Variants in ST8SIA2 observed in about 807,000 individuals in gnomAD.
The protein encoded by ST8SIA2 is alpha-2,8-sialyltransferase 8B.
A neutral mutation model predicts 37.6 loss-of-function variants in ST8SIA2; 22 were observed. That is an observed-to-expected ratio of 0.58 (90% CI 0.42 to 0.83). The LOEUF (loss-of-function observed/expected upper bound fraction) is 0.83. ST8SIA2 is among the 40% of genes least tolerant of loss of function. ST8SIA2 has a pLI of 0.00. For synonymous variants in ST8SIA2, 205 were observed against 201.2 expected, an observed-to-expected ratio of 1.02 and a Z score of -0.16; for missense variants, 382 against 484.7, an observed-to-expected ratio of 0.79 and a Z score of 1.99.
chr15:92,394,518 C>G (rs1034506690), intron 1 of ST8SIA2, among the ~76,000 whole-genome samples: 3 of 151,882 alleles, frequency 2.0e-5, no homozygotes, highest in African/African-American at 7.3e-5. Context: ...GCGGAGGGGC[C>G]GAGAGTGGAG....
intron 1 of ST8SIA2, among the ~76,000 whole-genome samples, chr15:92,414,477 TGTCAGACAGAG>T (rs1950633802): frequency 6.6e-6 from 1 of 152,226 alleles, no homozygotes. Flanking sequence ...GGAGACAATC[TGTCAGACAGAG>T]GTGTATTCAA....
Position 92,464,165 on chromosome 15 carries a change from C to G in ST8SIA2, c.908C>G (p.Ala303Gly), listed in dbSNP as rs1037795157. Residue 303 changes from alanine to glycine, a missense_variant, in exon 6 of 6, where the codon GCC (alanine) becomes GGC (glycine). Physicochemically the swap from Ala to Gly is moderately conservative, Grantham distance 60 (BLOSUM62 0). Coordinates refer to ENST00000268164, the MANE Select transcript of ST8SIA2 (RefSeq NM_006011.4). ...ACCGGCCTCTTGATGTATACCCTGG[C>G]CACACGTTTCTGCAAACAAATCTAC... ...PTTGLLMYTL[A>G]TRFCKQIYLY... The G allele has an allele frequency of 6.2e-7, 1 of 1,609,840 alleles. No individual in the cohort carries two copies.
chr15:92,398,631 C>G (rs1251207225), intron 1 of ST8SIA2, among the ~76,000 whole-genome samples: 1 of 152,208 alleles, frequency 6.6e-6, no homozygotes, highest in Non-Finnish European at 1.5e-5. Context: ...AACACATTTG[C>G]TGGATCCTCA....
intron 3 of ST8SIA2, among the ~76,000 whole-genome samples, chr15:92,435,562 C>T (rs2049750886): frequency 6.6e-6 from 1 of 152,152 alleles, no homozygotes. Context: ...CAGGGAGTTG[C>T]CCCCTCCACA....
intron 4 of ST8SIA2, 62 bp downstream of exon 4, chr15:92,438,672 C>A: frequency 6.6e-7 from 1 of 1,507,192 alleles, no homozygotes; most frequent in Admixed American, 2.4e-5. Flanking sequence ...TTCAGTGGAG[C>A]ATTGCCAGCT....
chr15:92,404,700 G>C (rs2141802025), intron 1 of ST8SIA2, among the ~76,000 whole-genome samples: 1 of 151,128 alleles, frequency 6.6e-6, no homozygotes, highest in East Asian at 1.9e-4. Context: ...GCTGGGTGTA[G>C]TGCTGCATGC....
chr15:92,451,116 T>C (rs1053365201), intron 5 of ST8SIA2, among the ~76,000 whole-genome samples: 3 of 152,200 alleles, frequency 2.0e-5, no homozygotes, highest in African/African-American at 7.2e-5. Flanking sequence ...AAAGAGGAAC[T>C]TGATGCTCAG....
chr15:92,394,018 T>C lies in ST8SIA2; in HGVS notation c.-47T>C, dbSNP rs899179774. On this transcript the variant is annotated 5_prime_UTR_variant, in exon 1 of 6. Transcript: ENST00000268164. Reference sequence around the variant, plus strand: ...GTCCGCCGCTGCGCCCTCCGGCCCCTGCTCCTCGCGCCGGCCCGCGTGGGT... The same window carrying C: ...GTCCGCCGCTGCGCCCTCCGGCCCCCGCTCCTCGCGCCGGCCCGCGTGGGT... 4.7e-6 allele frequency: 7 copies of C among 1,477,126 alleles called. No individual in the cohort carries two copies. The highest frequency in any genetic ancestry group is 1.4e-5 in the African/African-American group (1 of 69,136). 91.5% of individuals were successfully genotyped at this position (1,477,126 alleles called of 1,614,324 possible). A position where few individuals can be genotyped will look rare whatever the true frequency, so the allele number is the denominator to read the frequency against.
chr15:92,398,200 A>G (rs1567208578), intron 1 of ST8SIA2, among the ~76,000 whole-genome samples: 2 of 152,212 alleles, frequency 1.3e-5, no homozygotes, highest in Non-Finnish European at 2.9e-5. Context: ...AGAAGAGAGC[A>G]TAGGGCTCTC....
chr15:92,404,509 TG>T (rs34579432), intron 1 of ST8SIA2, among the ~76,000 whole-genome samples: 10,355 of 152,038 alleles, frequency 0.068, 394 homozygotes, highest in Middle Eastern at 0.095. Flanking sequence ...ATTCCACTTC[TG>T]GGTGTATATT....
At chr15:92,426,359 G>T (rs1191735568) in intron 1 of ST8SIA2, among the ~76,000 whole-genome samples, 1 of 152,170 alleles carries the variant, frequency 6.6e-6, no homozygotes, top group Non-Finnish European at 1.5e-5. Flanking sequence ...GTGGAACCGG[G>T]GGTGAGGCAT....
At chr15:92,429,905 C>A in intron 1 of ST8SIA2, 144 bp from the exon 2 acceptor site, 1 of 867,628 alleles carries the variant, frequency 1.2e-6, no homozygotes, top group Non-Finnish European at 1.9e-6. Context: ...GGGGCCAGGA[C>A]TTTGCCCATT....
At chr15:92,428,989 G>A (rs2049695754) in intron 1 of ST8SIA2, among the ~76,000 whole-genome samples, 1 of 152,126 alleles carries the variant, frequency 6.6e-6, no homozygotes, top group South Asian at 2.1e-4. Context: ...GAATCCTAAG[G>A]AAATCAGATA....
At chr15:92,427,848 A>G (rs1418085710) in intron 1 of ST8SIA2, among the ~76,000 whole-genome samples, 1 of 152,180 alleles carries the variant, frequency 6.6e-6, no homozygotes, top group Non-Finnish European at 1.5e-5. Flanking sequence ...CCTGGGCGTA[A>G]TGGCAGGTGC....
chr15:92,412,634 G>C (rs941156195), intron 1 of ST8SIA2, among the ~76,000 whole-genome samples: 3 of 152,088 alleles, frequency 2.0e-5, no homozygotes, highest in African/African-American at 4.8e-5. Flanking sequence ...ACCACCATTT[G>C]CCTCTGTGTT....
At chr15:92,413,798 C>G (rs535828870) in intron 1 of ST8SIA2, among the ~76,000 whole-genome samples, 2 of 152,220 alleles carry the variant, frequency 1.3e-5, no homozygotes, top group Non-Finnish European at 2.9e-5. Context: ...CTTTTCACTC[C>G]GGCCCTCTTT....
At chr15:92,433,852 C>T (rs528032027) in intron 2 of ST8SIA2, among the ~76,000 whole-genome samples, 1 of 152,166 alleles carries the variant, frequency 6.6e-6, no homozygotes, top group Admixed American at 6.5e-5. Context: ...CTTGTTTTCT[C>T]TTTTAAGTTT....
At chr15:92,403,725 T>C (rs998733411) in intron 1 of ST8SIA2, among the ~76,000 whole-genome samples, 1 of 152,212 alleles carries the variant, frequency 6.6e-6, no homozygotes, top group African/African-American at 2.4e-5. Flanking sequence ...CAGGTGACTT[T>C]AGTTTGCTAT....
At position 92,439,467 on chromosome 15, in the gene ST8SIA2, C is replaced by G. The variant is rs999854929; in HGVS notation, c.548+857C>G. ...CTGTCTCCAGGTCAAAATTAGGGCA[C>G]GCGGAGCCTCGAGTTTCATTCCAGC... On this transcript the variant is annotated intron_variant, in intron 4 of 5. Coordinates refer to ENST00000268164, the MANE Select transcript of ST8SIA2 (RefSeq NM_006011.4). 3.3e-5 allele frequency among the ~76,000 whole-genome samples: 5 copies of G among 152,280 alleles called. No homozygotes were observed. In the South Asian group the frequency reaches 1.0e-3, roughly 32 times the overall value.
Sources: allele counts gnomAD v4.1 joint callset (sites outside exome capture counted in the v4.1 genomes callset), GRCh38; gene constraint gnomAD v4.1.1; transcripts MANE v1.5; gene names NCBI Gene and HGNC (gene_info 2026-07-23, HGNC 2026-07-21).